Variants in TRPM5 observed in about 807,000 individuals in gnomAD.
TRPM5 encodes the protein transient receptor potential cation channel subfamily M member 5, also known as MLSN1 and TRP-related.
A neutral mutation model predicts 124.9 loss-of-function variants in TRPM5; 121 were observed. That is an observed-to-expected ratio of 0.97 (90% CI 0.84 to 1.13). The LOEUF (loss-of-function observed/expected upper bound fraction) is 1.13. Ranked by LOEUF, TRPM5 falls within the 50% of genes most tolerant of loss-of-function variation. The probability of loss-of-function intolerance (pLI) is 0.00; values close to 1 mark genes in which losing one functional copy is unlikely to be tolerated. For synonymous variants in TRPM5, 781 were observed against 700.5 expected, an observed-to-expected ratio of 1.11 and a Z score of -1.81; for missense variants, 1,643 against 1,589.1, an observed-to-expected ratio of 1.03 and a Z score of -0.58.
At chr11:2,435,594 T>TCCAC in the TRPM5 span, among the ~76,000 whole-genome samples, 220 of 149,408 alleles carry the variant, frequency 1.5e-3, no homozygotes, top group African/African-American at 5.2e-3. The surrounding 1 kb of genome is among the most constrained non-coding windows in gnomAD (Gnocchi z 4.1). Flanking sequence ...CATCCATCCA[T>TCCAC]CCATCCATCC....
chr11:2,415,613 A>G, intron 8 of TRPM5, 142 bp from the exon 14 acceptor site: 1 of 666,768 alleles, frequency 1.5e-6, no homozygotes, highest in Non-Finnish European at 2.5e-6. Context: ...GCTCTCCTGC[A>G]CCCCAGCCTG....
chr11:2,418,018 C>T (rs1288622002), intron 6 of TRPM5, 149 bp downstream of exon 11: 18 of 946,090 alleles, frequency 1.9e-5, no homozygotes, highest in Non-Finnish European at 3.1e-6. Flanking sequence ...CTCTCTGCTC[C>T]CTGTGGGCCT....
downstream of TRPM5, among the ~76,000 whole-genome samples, chr11:2,404,353 G>T (rs1030000524): frequency 6.6e-6 from 1 of 152,206 alleles, no homozygotes; most frequent in Non-Finnish European, 1.5e-5. Context: ...CAGGGGCTTT[G>T]TCTTGGGGCC....
intron 18 of TRPM5, chr11:2,410,679 C>A (rs911372490): frequency 2.2e-6 from 1 of 455,536 alleles, no homozygotes; most frequent in Non-Finnish European, 4.4e-6. Flanking sequence ...CCCCACTGCA[C>A]TGGCTTATGA....
chr11:2,404,876 G>A (rs1430490312), exon 24 of TRPM5: 2 of 1,451,046 alleles, frequency 1.4e-6, no homozygotes, highest in Non-Finnish European at 1.9e-6. Flanking sequence ...AAAGGTCAGT[G>A]CACAACGTGC....
intron 4 of TRPM5, 59 bp downstream of exon 9, chr11:2,420,163 G>A (rs867601313): frequency 1.0e-5 from 16 of 1,527,150 alleles, no homozygotes; most frequent in Middle Eastern, 2.4e-4. Context: ...TCCCACAGGC[G>A]GGTCCCTGGA....
At chr11:2,414,952 G>T in exon 10 of TRPM5, 1 of 1,607,014 alleles carries the variant, frequency 6.2e-7, no homozygotes, top group Non-Finnish European at 8.5e-7. Context: ...TCTGCAGCAC[G>T]GCCCACAGGA....
At chr11:2,428,064 A>T in the TRPM5 span, among the ~76,000 whole-genome samples, 1 of 152,184 alleles carries the variant, frequency 6.6e-6, no homozygotes, top group Admixed American at 6.5e-5. The surrounding 1 kb of genome is among the most constrained non-coding windows in gnomAD (Gnocchi z 4.0). Flanking sequence ...ACAGGGTGCC[A>T]GTGGGACAGA....
At chr11:2,406,247 C>A in intron 21 of TRPM5, 156 bp from the exon 27 acceptor site, 1 of 767,110 alleles carries the variant, frequency 1.3e-6, no homozygotes, top group Non-Finnish European at 2.2e-6. Flanking sequence ...GGCACCAGGA[C>A]CCCTCAAAGT....
the TRPM5 span, among the ~76,000 whole-genome samples, chr11:2,434,439 C>T: frequency 2.3e-5 from 3 of 130,280 alleles, no homozygotes; most frequent in African/African-American, 8.9e-5. Context: ...CACTGTGTGT[C>T]CGGCTGTGTG....
Position 2,406,945 on chromosome 11 carries a change from G to T in TRPM5, c.3119-152C>A, listed in dbSNP as rs569089371. Reference sequence around the variant, plus strand: ...GCAAGCATGGCCCTGTGCAAGGACGGCCAAGCTGCGGGTGGACGGGCTCAG... The same window carrying T: ...GCAAGCATGGCCCTGTGCAAGGACGTCCAAGCTGCGGGTGGACGGGCTCAG... On this transcript the variant is annotated intron_variant, in intron 20 of 23. Coordinates refer to ENST00000155858, the Ensembl canonical transcript of TRPM5. The T allele has an allele frequency of 9.6e-6, 13 of 1,359,924 alleles. No homozygotes were observed. In the South Asian group the frequency reaches 1.5e-4, roughly 15 times the overall value. The allele number at this position is 1,359,924 out of a possible 1,614,324, so 84.2% of individuals were successfully genotyped here.
chr11:2,440,736 G>A, the TRPM5 span, among the ~76,000 whole-genome samples: 7 of 152,208 alleles, frequency 4.6e-5, no homozygotes, highest in Non-Finnish European at 4.4e-5. This position sits in a 1 kb window ranked among gnomAD's most constrained non-coding sequence, Gnocchi z 5.2. Flanking sequence ...GGTGCTCTGC[G>A]AGGATCTGGG....
At chr11:2,410,529 G>A (rs540381550) in intron 18 of TRPM5, 15 of 295,692 alleles carry the variant, frequency 5.1e-5, no homozygotes, top group South Asian at 1.0e-4. Flanking sequence ...AGAGGGGTGC[G>A]TCCCTTTCCA....
At position 2,421,218 on chromosome 11, in the gene TRPM5, C is replaced by G. The variant is rs1212178030; in HGVS notation, c.299-20G>C. On this transcript the variant is annotated intron_variant, in intron 2 of 23. Coordinates refer to ENST00000155858, the Ensembl canonical transcript of TRPM5. Reference sequence around the variant, plus strand: ...AGGCTCCTGTGGGGATGGAAGAGGGCCTCGTTGTGCCGCACGCCCCAGGTC... The same window carrying G: ...AGGCTCCTGTGGGGATGGAAGAGGGGCTCGTTGTGCCGCACGCCCCAGGTC... 1 of 1,528,114 alleles carries G rather than the reference C, an allele frequency of 6.5e-7. No individual in the cohort carries two copies. The highest frequency in any genetic ancestry group is 8.8e-7 in the Non-Finnish European group (1 of 1,141,830). 94.7% of individuals were successfully genotyped at this position (1,528,114 alleles called of 1,614,324 possible).
intron 18 of TRPM5, among the ~76,000 whole-genome samples, chr11:2,410,047 G>T (rs546856594): frequency 6.6e-6 from 1 of 152,212 alleles, no homozygotes; most frequent in Non-Finnish European, 1.5e-5. Context: ...CTCCTGCCCC[G>T]AGGGGCCCTG....
chr11:2,405,292 C>T (rs542385394), intron 23 of TRPM5, among the ~76,000 whole-genome samples: 17 of 152,356 alleles, frequency 1.1e-4, no homozygotes, highest in Admixed American at 4.6e-4. Context: ...TCCAATAGGG[C>T]CCACGCCAGG....
rs1363997425 is a variant in TRPM5, at chr11:2,407,923, A to G, written c.2783-11T>C. On this transcript the variant is annotated splice_polypyrimidine_tract_variant and intron_variant, in intron 18 of 23. Transcript: ENST00000155858. ...AGTTCACACGGGCTTCTGGAAAGCA[A>G]GGGTGCTGTGGGGACCAGACCGGGG... 1 of 1,612,610 alleles carries G rather than the reference A, an allele frequency of 6.2e-7. No homozygotes were observed. Among genetic ancestry groups the G allele is most frequent in the African/African-American group, 1.3e-5 (1 of 74,900 alleles).
At position 2,412,092 on chromosome 11, in the gene TRPM5, C is replaced by T. The variant is rs772078668; in HGVS notation, c.2474+43G>A. The T allele has an allele frequency of 4.5e-6, 7 of 1,552,910 alleles. No individual in the cohort carries two copies. The Admixed American group carries it at 1.2e-4, about 26-fold the overall frequency. On this transcript the variant is annotated intron_variant, in intron 16 of 23. Transcript: ENST00000155858. ...GAGTGGCTTCATCTGGAAGCCTGCC[C>T]ACAAGCCGCCCTGAGGCCACACGGC...
chr11:2,432,883 C>A, the TRPM5 span, among the ~76,000 whole-genome samples: 1 of 152,226 alleles, frequency 6.6e-6, no homozygotes, highest in Non-Finnish European at 1.5e-5. Flanking sequence ...AGGTCTGACC[C>A]CTCGGGGGGC....
Sources: gnomAD v4.1 joint callset for allele counts (sites outside exome capture counted in the v4.1 genomes callset) on GRCh38, gnomAD v4.1.1 for gene constraint, Gnocchi (gnomAD v3.1) non-coding constraint, MANE v1.5 for transcripts, NCBI Gene and HGNC (gene_info 2026-07-23, HGNC 2026-07-21) for gene names.